The following RCC1L variants were observed in gnomAD, a reference collection of about 807,000 sequenced individuals.
RCC1L encodes RCC1-like G exchanging factor-like protein.
RCC1L carries 46 observed loss-of-function variants against 58.6 expected under a neutral mutation model. The ratio of observed to expected loss-of-function variants is 0.79; its 90% CI spans 0.62 to 1.00. The LOEUF (loss-of-function observed/expected upper bound fraction) is 1.00. Among genes scored for constraint, RCC1L ranks in the 50% least tolerant of loss-of-function variants. The pLI, the probability that RCC1L is intolerant of heterozygous loss-of-function variation, is 0.00. For missense variants in RCC1L, 636 were observed against 623.6 expected, an observed-to-expected ratio of 1.02 and a Z score of -0.21; for synonymous variants, 281 against 262.9, an observed-to-expected ratio of 1.07 and a Z score of -0.67.
At chr7:75,034,104 C>T (rs1484238906) in intron 10 of RCC1L, among the ~76,000 whole-genome samples, 2 of 152,152 alleles carry the variant, frequency 1.3e-5, no homozygotes, top group Non-Finnish European at 2.9e-5. Flanking sequence ...CGAAAAACCA[C>T]TGAGCTGTGT....
intron 4 of RCC1L, among the ~76,000 whole-genome samples, chr7:75,063,645 G>A (rs1806353274): frequency 6.6e-6 from 1 of 152,152 alleles, no homozygotes; most frequent in Non-Finnish European, 1.5e-5. Flanking sequence ...CTCACCGGGC[G>A]CGGTGGGTCA....
chr7:75,071,384 C>G (rs587745227), intron 1 of RCC1L, among the ~76,000 whole-genome samples: 1 of 152,218 alleles, frequency 6.6e-6, no homozygotes, highest in Admixed American at 6.6e-5. Context: ...GTGGCTCACA[C>G]CTGTAATCCC....
rs587618503 is a variant in RCC1L, at chr7:75,066,262, T to C, written c.583+402A>G. The stretch of plus-strand genomic sequence containing the variant: ...GTCAGGAGATTGAGACCATCCTGGC[T>C]AACATGGTGAAACCCCGTCTCTACT... On this transcript the variant is annotated intron_variant, in intron 3 of 10. Coordinates refer to ENST00000610322, the MANE Select transcript of RCC1L (RefSeq NM_030798.5). Among the ~76,000 whole-genome samples the C allele has an allele frequency of 2.9e-4, 44 of 151,636 alleles. No individual in the cohort carries two copies. The East Asian group carries it at 7.5e-3, about 26-fold the overall frequency.
In RCC1L at chr7:75,036,683, C is replaced by CA. The variant is rs1246629070; in HGVS notation, c.1318-8605dup. 3.8e-4 allele frequency among the ~76,000 whole-genome samples: 58 copies of CA among 152,126 alleles called. 1 individual carries two copies. The highest frequency in any genetic ancestry group is 1.3e-3 in the African/African-American group (56 of 41,518). On this transcript the variant is annotated intron_variant, in intron 10 of 10. Coordinates refer to the RCC1L transcript ENST00000614461. ...CCGAGGTGGGCGGATTACATGAAGCCAGGAGTTTGAGACCAGCCTGGCCAA... is the reference window on the plus strand; with the variant it reads ...CCGAGGTGGGCGGATTACATGAAGCCAAGGAGTTTGAGACCAGCCTGGCCAA...
At chr7:75,034,691 GGTTT>G (rs1442850055) in intron 10 of RCC1L, among the ~76,000 whole-genome samples, 7 of 150,146 alleles carry the variant, frequency 4.7e-5, no homozygotes, top group Non-Finnish European at 1.0e-4. Context: ...CCCAGGGCCT[GGTTT>G]GTTTGTTTTT....
At chr7:75,030,773 T>G (rs1584483333) in intron 10 of RCC1L, among the ~76,000 whole-genome samples, 2 of 152,158 alleles carry the variant, frequency 1.3e-5, no homozygotes, top group Admixed American at 1.3e-4. Flanking sequence ...TCCACCATGC[T>G]CTGGTTTGAT....
In RCC1L at chr7:75,042,530, G is replaced by A. The variant is rs1407931441; in HGVS notation, c.*502C>T. 1.0e-6 allele frequency: 1 copy of A among 991,754 alleles called. No individual in the cohort carries two copies. The highest frequency in any genetic ancestry group is 1.7e-5 in the African/African-American group (1 of 57,428). The allele number at this position is 991,754 out of a possible 1,614,324, so 61.4% of individuals were successfully genotyped here. On this transcript the variant is annotated 3_prime_UTR_variant, in exon 11 of 11. Transcript: ENST00000610322. ...AGCTTGCGGTGTGGCAGGCGGCCAGGAAGGGCCATGAGCAGGGTGGCCTGA... is the reference window on the plus strand; with the variant it reads ...AGCTTGCGGTGTGGCAGGCGGCCAGAAAGGGCCATGAGCAGGGTGGCCTGA...
intron 5 of RCC1L, 25 bp downstream of exon 5, chr7:75,063,267 G>A: frequency 2.5e-6 from 4 of 1,613,696 alleles, no homozygotes; most frequent in Non-Finnish European, 3.4e-6. Flanking sequence ...AACACAACAA[G>A]CAGCTCTCGG....
intron 10 of RCC1L, among the ~76,000 whole-genome samples, chr7:75,051,585 G>A (rs1805917919): frequency 6.6e-6 from 1 of 151,912 alleles, no homozygotes; most frequent in South Asian, 2.1e-4. Context: ...GCTAATTTTT[G>A]TATTTTTAAT....
chr7:75,066,561 G>T, intron 3 of RCC1L, 103 bp downstream of exon 3: 1 of 1,497,758 alleles, frequency 6.7e-7, no homozygotes, highest in Non-Finnish European at 9.1e-7. Flanking sequence ...TCACTCATTA[G>T]ATGTGGCTCA....
intron 1 of RCC1L, among the ~76,000 whole-genome samples, 166 bp downstream of exon 1, chr7:75,073,248 A>T (rs2115575551): frequency 6.6e-6 from 1 of 152,302 alleles, no homozygotes; most frequent in African/African-American, 2.4e-5. Context: ...GTTGATGGCC[A>T]CCCCTAACGC....
intron 2 of RCC1L, among the ~76,000 whole-genome samples, chr7:75,069,287 GGCTCAA>G (rs1389457872): frequency 1.3e-5 from 2 of 152,122 alleles, no homozygotes; most frequent in African/African-American, 4.8e-5. Flanking sequence ...CAAACTCCTG[GGCTCAA>G]GCAATCCTCC....
At chr7:75,043,195 T>TCTCAGTAGGAGA (rs1484557380) in intron 10 of RCC1L, 86 bp from the exon 11 acceptor site, 1 of 1,466,904 alleles carries the variant, frequency 6.8e-7, no homozygotes. Flanking sequence ...CGGCCCTGCC[T>TCTCAGTAGGAGA]CTCAGTAGGA....
At chr7:75,056,762 A>G in intron 8 of RCC1L, 2 of 1,514,834 alleles carry the variant, frequency 1.3e-6, no homozygotes, top group Non-Finnish European at 1.8e-6. Flanking sequence ...TTTTGTTAAG[A>G]ACTTCATTCA....
intron 6 of RCC1L, among the ~76,000 whole-genome samples, chr7:75,060,816 T>A (rs1806252202): frequency 6.6e-6 from 1 of 151,586 alleles, no homozygotes; most frequent in Non-Finnish European, 1.5e-5. Context: ...GCACAGTGGC[T>A]CCTGCCTGGA....
intron 10 of RCC1L, among the ~76,000 whole-genome samples, chr7:75,036,036 T>C (rs1805424193): frequency 6.6e-6 from 1 of 151,612 alleles, no homozygotes; most frequent in Admixed American, 6.6e-5. Flanking sequence ...TTCTATGGTA[T>C]AGTGTTGTAC....
chr7:75,058,602 T>C lies in RCC1L; in HGVS notation c.955A>G (p.Thr319Ala), dbSNP rs1004611094. 6.2e-7 allele frequency: 1 copy of C among 1,606,662 alleles called. No homozygotes were observed. Among genetic ancestry groups the C allele is most frequent in the African/African-American group, 1.3e-5 (1 of 74,842 alleles). The stretch of plus-strand genomic sequence containing the variant: ...CGACTGCATACCTGTGTGGAGTCAG[T>C]GACAGAGGCCAGCTGCAGGTACTCC... ...NSEYLQLASV[T>A]DSTQVNVPRC... Residue 319 changes from threonine to alanine, a missense_variant, in exon 7 of 11, where the codon ACT (threonine) becomes GCT (alanine). By Grantham distance (58) the Thr-to-Ala change is moderately conservative (BLOSUM62 0). Transcript: ENST00000610322.
At chr7:75,029,160 TC>T (rs1354660251) in intron 10 of RCC1L, among the ~76,000 whole-genome samples, 3 of 152,104 alleles carry the variant, frequency 2.0e-5, no homozygotes, top group African/African-American at 7.2e-5. Flanking sequence ...TTGGTGATCT[TC>T]AAAGGTGAAC....
intron 10 of RCC1L, among the ~76,000 whole-genome samples, chr7:75,036,470 G>C (rs1235721874): frequency 2.0e-5 from 3 of 152,160 alleles, no homozygotes; most frequent in African/African-American, 7.2e-5. Context: ...TGCAGGGCAG[G>C]TGGCAGACCA....
Sources: allele counts gnomAD v4.1 joint callset (sites outside exome capture counted in the v4.1 genomes callset), GRCh38; gene constraint gnomAD v4.1.1; transcripts MANE v1.5; gene names NCBI Gene and HGNC (gene_info 2026-07-23, HGNC 2026-07-21).